The following ERCC6L2 variants were observed in gnomAD, a reference collection of about 807,000 sequenced individuals.
ERCC6L2 encodes DNA excision repair protein ERCC-6-like 2.
ERCC6L2 carries 77 observed loss-of-function variants against 132.0 expected under a neutral mutation model. The ratio of observed to expected loss-of-function variants is 0.58; its 90% CI spans 0.49 to 0.71. The LOEUF is 0.71. Among genes scored for constraint, ERCC6L2 ranks in the 30% least tolerant of loss-of-function variants. ERCC6L2 has a pLI of 0.00. For synonymous variants in ERCC6L2, 583 were observed against 632.4 expected (o/e 0.92, Z 1.17); for missense variants, 1,542 against 1,837.6 (o/e 0.84, Z 2.94).
intron 18 of ERCC6L2, among the ~76,000 whole-genome samples, chr9:96,006,046 G>T (rs955637262): frequency 2.6e-5 from 4 of 152,206 alleles, no homozygotes; most frequent in African/African-American, 9.6e-5. Context: ...CCTTTTGCAC[G>T]TATTAAATGT....
intron 13 of ERCC6L2, among the ~76,000 whole-genome samples, chr9:95,957,254 T>C (rs1003230259): frequency 2.0e-5 from 3 of 152,318 alleles, no homozygotes; most frequent in African/African-American, 7.2e-5. Flanking sequence ...TCAGTTGGCA[T>C]CTATTTAAGA....
intron 17 of ERCC6L2, among the ~76,000 whole-genome samples, chr9:95,999,895 ATTT>A (rs11315428): frequency 1.4e-5 from 2 of 142,466 alleles, no homozygotes; most frequent in Non-Finnish European, 1.5e-5. Flanking sequence ...TTAAGATACA[ATTT>A]TTTTTTTTTT....
chr9:95,980,752 A>C (rs1287528539), intron 17 of ERCC6L2, among the ~76,000 whole-genome samples: 1 of 152,184 alleles, frequency 6.6e-6, no homozygotes, highest in Non-Finnish European at 1.5e-5. Context: ...AGTTACGAGA[A>C]GAAAAGAGAA....
chr9:95,948,947 A>C (rs995074216), intron 12 of ERCC6L2, among the ~76,000 whole-genome samples: 2 of 152,182 alleles, frequency 1.3e-5, no homozygotes, highest in African/African-American at 4.8e-5. Flanking sequence ...AAATACTCCA[A>C]GAGTGAAAGT....
chr9:96,022,039 C>T (rs982814624), downstream of ERCC6L2, among the ~76,000 whole-genome samples: 6 of 152,248 alleles, frequency 3.9e-5, no homozygotes, highest in African/African-American at 1.2e-4. Flanking sequence ...CCTTCCTCCA[C>T]CTCCCTCCCG....
chr9:96,018,653 A>T (rs1414715596), downstream of ERCC6L2, among the ~76,000 whole-genome samples: 19 of 135,448 alleles, frequency 1.4e-4, no homozygotes, highest in Admixed American at 1.1e-3. Flanking sequence ...TTTTTTTTTT[A>T]GAGACAGGGT....
At chr9:95,926,796 A>G (rs1379928294) in intron 9 of ERCC6L2, among the ~76,000 whole-genome samples, 1 of 152,144 alleles carries the variant, frequency 6.6e-6, no homozygotes, top group Non-Finnish European at 1.5e-5. Flanking sequence ...ATAATAATGT[A>G]TCAATATTCA....
intron 19 of ERCC6L2, among the ~76,000 whole-genome samples, chr9:96,031,991 G>A (rs1019034598): frequency 2.6e-5 from 4 of 152,160 alleles, no homozygotes; most frequent in African/African-American, 9.7e-5. Flanking sequence ...TAAATCACAA[G>A]CCCTCAACCT....
At chr9:96,028,607 C>T (rs1325860877) in intron 19 of ERCC6L2, among the ~76,000 whole-genome samples, 1 of 152,108 alleles carries the variant, frequency 6.6e-6, no homozygotes, top group Non-Finnish European at 1.5e-5. Flanking sequence ...CTAGTAAGGG[C>T]GTCCCTAATA....
intron 16 of ERCC6L2, among the ~76,000 whole-genome samples, 167 bp downstream of exon 16, chr9:95,973,255 G>C (rs1832509889): frequency 6.6e-6 from 1 of 152,146 alleles, no homozygotes; most frequent in African/African-American, 2.4e-5. Flanking sequence ...ACCACATATA[G>C]GTCAAGATAG....
chr9:95,882,999 T>C (rs937611775), intron 2 of ERCC6L2, among the ~76,000 whole-genome samples: 14 of 152,208 alleles, frequency 9.2e-5, no homozygotes, highest in Admixed American at 9.2e-4. Flanking sequence ...TGTTTGTTTG[T>C]TTGCTTGTTT....
intron 15 of ERCC6L2, 105 bp from the exon 16 acceptor site, chr9:95,971,828 G>A: frequency 2.0e-6 from 1 of 494,498 alleles, no homozygotes; most frequent in Non-Finnish European, 3.2e-6. Flanking sequence ...AATATTAAGT[G>A]ATATACTTGT....
At chr9:95,893,546 A>G (rs1828281247) in intron 2 of ERCC6L2, among the ~76,000 whole-genome samples, 1 of 152,184 alleles carries the variant, frequency 6.6e-6, no homozygotes, top group South Asian at 2.1e-4. Context: ...TTTCTTAAGC[A>G]TTAGGTAGAA....
rs767745101 is a variant in ERCC6L2, at chr9:96,015,015, G to GTTTTTTTTT, written c.*1829_*1837dup. 1.1e-3 allele frequency among the ~76,000 whole-genome samples: 74 copies of GTTTTTTTTT among 65,436 alleles called. 4 individuals are homozygous for GTTTTTTTTT. The highest frequency in any genetic ancestry group is 1.6e-3 in the South Asian group (2 of 1,250). 42.9% of individuals were successfully genotyped at this position (65,436 alleles called of 152,430 possible). ...GCTCTATAGTCTTCATATATGTACA[G>GTTTTTTTTT]TTTTTTTTTTTTTTTTTTTTTTTTT... On this transcript the variant is annotated 3_prime_UTR_variant, in exon 19 of 19. Transcript: ENST00000653738.
intron 2 of ERCC6L2, among the ~76,000 whole-genome samples, chr9:95,885,014 C>T (rs1827791510): frequency 6.6e-6 from 1 of 151,998 alleles, no homozygotes; most frequent in Non-Finnish European, 1.5e-5. Context: ...ATGATATGCC[C>T]ACATATACAT....
At chr9:95,889,284 CA>C (rs1315355324) in intron 2 of ERCC6L2, among the ~76,000 whole-genome samples, 1 of 151,980 alleles carries the variant, frequency 6.6e-6, no homozygotes, top group Admixed American at 6.6e-5. Context: ...TGAATTTGCA[CA>C]ATTAGGAATA....
chr9:95,907,537 G>T (rs1359916), intron 4 of ERCC6L2, among the ~76,000 whole-genome samples: 48,824 of 151,322 alleles, frequency 0.32, 8,348 homozygotes, highest in African/African-American at 0.42. Context: ...GAATAATGAT[G>T]ATTCCTTTGC....
downstream of ERCC6L2, among the ~76,000 whole-genome samples, chr9:96,018,510 G>T (rs1482438150): frequency 1.3e-5 from 2 of 151,822 alleles, no homozygotes; most frequent in Admixed American, 6.6e-5. Context: ...ACCTAGGTTG[G>T]AGTGCAATGG....
chr9:95,895,917 G>A (rs949460790), intron 2 of ERCC6L2, among the ~76,000 whole-genome samples: 4 of 151,894 alleles, frequency 2.6e-5, no homozygotes, highest in African/African-American at 9.7e-5. Context: ...TAGTAGAGAC[G>A]GGGTTTCACC....
Sources: gnomAD v4.1 joint callset for allele counts (sites outside exome capture counted in the v4.1 genomes callset) on GRCh38, gnomAD v4.1.1 for gene constraint, MANE v1.5 for transcripts, NCBI Gene and HGNC (gene_info 2026-07-23, HGNC 2026-07-21) for gene names.